Variants in DMC1 observed in about 807,000 individuals in gnomAD.
The protein encoded by DMC1 is DNA meiotic recombinase 1, also known as meiotic recombination protein DMC1 homolog.
Under a neutral mutation model 50.1 loss-of-function variants are expected in DMC1, and 27 were observed. The observed-to-expected ratio is 0.54, with a 90% CI of 0.40 to 0.74. The LOEUF (loss-of-function observed/expected upper bound fraction) is 0.74. DMC1 is among the 30% of genes least tolerant of loss of function. The pLI is 0.00. For synonymous variants in DMC1, 148 were observed against 136.1 expected, an observed-to-expected ratio of 1.09 and a Z score of -0.61; for missense variants, 295 against 420.2, an observed-to-expected ratio of 0.70 and a Z score of 2.60.
At chr22:38,545,422 A>T (rs988007119) in intron 8 of DMC1, among the ~76,000 whole-genome samples, 5 of 152,012 alleles carry the variant, frequency 3.3e-5, no homozygotes, top group Non-Finnish European at 5.9e-5. Flanking sequence ...AAAACAAAAC[A>T]AAACAATTTT....
intron 4 of DMC1, among the ~76,000 whole-genome samples, chr22:38,563,691 C>A (rs1440441053): frequency 2.6e-5 from 4 of 151,812 alleles, no homozygotes; most frequent in East Asian, 1.9e-4. Context: ...ACCCCTCCCC[C>A]ATCTCCACAA....
Position 38,519,967 on chromosome 22 carries a change from C to A in DMC1, c.*53G>T, listed in dbSNP as rs538170389. The A allele has an allele frequency of 3.2e-5, 47 of 1,462,382 alleles. No individual in the cohort carries two copies. Among genetic ancestry groups the A allele is most frequent in the Non-Finnish European group, 4.2e-5 (44 of 1,042,940 alleles). 90.6% of individuals were successfully genotyped at this position (1,462,382 alleles called of 1,614,324 possible). ...GATGTGAAATTGGAGACTGCTTTTCCATTTCTTCAGCTCCTAATAAGCACT... is the reference window on the plus strand; with the variant it reads ...GATGTGAAATTGGAGACTGCTTTTCAATTTCTTCAGCTCCTAATAAGCACT... On this transcript the variant is annotated 3_prime_UTR_variant, in exon 14 of 14. Transcript: ENST00000216024.
intron 3 of DMC1, 150 bp from the exon 4 acceptor site, chr22:38,566,886 A>C (rs936730347): frequency 1.3e-6 from 1 of 756,740 alleles, no homozygotes; most frequent in Non-Finnish European, 2.3e-6. Flanking sequence ...CATGTAGCCA[A>C]ATGTTCTGGA....
intron 8 of DMC1, among the ~76,000 whole-genome samples, chr22:38,541,836 C>CA (rs1458037731): frequency 4.6e-5 from 7 of 151,726 alleles, no homozygotes; most frequent in Non-Finnish European, 1.0e-4. Context: ...ACTAGCAAAC[C>CA]AAATTCAACA....
intron 7 of DMC1, 125 bp from the exon 8 acceptor site, chr22:38,550,122 T>G (rs2090387333): frequency 1.0e-5 from 7 of 690,116 alleles, no homozygotes; most frequent in Non-Finnish European, 1.8e-5. Context: ...CATGATCCTT[T>G]CGTTTCTAAA....
At chr22:38,556,434 T>C (rs2090469771) in intron 5 of DMC1, among the ~76,000 whole-genome samples, 1 of 152,170 alleles carries the variant, frequency 6.6e-6, no homozygotes, top group South Asian at 2.1e-4. Flanking sequence ...AAAACAGGTA[T>C]TAGGAAAATC....
At chr22:38,564,056 C>T (rs752319309) in intron 4 of DMC1, among the ~76,000 whole-genome samples, 15 of 152,110 alleles carry the variant, frequency 9.9e-5, no homozygotes, top group Non-Finnish European at 2.1e-4. Flanking sequence ...GTAGTCCTAG[C>T]TACTGAGGAG....
chr22:38,561,538 T>C (rs997701794), intron 5 of DMC1, among the ~76,000 whole-genome samples: 1 of 152,130 alleles, frequency 6.6e-6, no homozygotes, highest in Non-Finnish European at 1.5e-5. Context: ...AGGAAAGAGA[T>C]AGATCTAAGA....
intron 12 of DMC1, 36 bp from the exon 13 acceptor site, chr22:38,521,760 A>G (rs1238201751): frequency 1.4e-6 from 2 of 1,409,066 alleles, no homozygotes; most frequent in Non-Finnish European, 2.0e-6. Context: ...GTTTCATCAT[A>G]TGGACTATAT....
intron 8 of DMC1, chr22:38,549,654 G>T: frequency 2.9e-6 from 1 of 339,470 alleles, no homozygotes. Flanking sequence ...TAACTATTAA[G>T]CAACATCTTT....
At chr22:38,563,543 A>C (rs1380395459) in intron 4 of DMC1, among the ~76,000 whole-genome samples, 1 of 151,552 alleles carries the variant, frequency 6.6e-6, no homozygotes, top group Non-Finnish European at 1.5e-5. Context: ...TCTCTCTCTC[A>C]ATCACTTTCT....
intron 13 of DMC1, 77 bp from the exon 14 acceptor site, chr22:38,520,166 T>C: frequency 8.1e-7 from 1 of 1,231,128 alleles, no homozygotes; most frequent in Non-Finnish European, 1.2e-6. Flanking sequence ...ACAGGCATTA[T>C]GTGCCCATCA....
downstream of DMC1, among the ~76,000 whole-genome samples, chr22:38,517,238 TA>T (rs2089982263): frequency 6.6e-6 from 1 of 152,310 alleles, no homozygotes; most frequent in Admixed American, 6.5e-5. Flanking sequence ...CTATCCCTGA[TA>T]GGGGCAGTCT....
At chr22:38,511,049 G>A in the DMC1 span, among the ~76,000 whole-genome samples, 2 of 148,568 alleles carry the variant, frequency 1.3e-5, no homozygotes, top group African/African-American at 5.0e-5. Flanking sequence ...CGGGAGGGTC[G>A]CTTGAGCCCA....
chr22:38,512,853 G>T, the DMC1 span, among the ~76,000 whole-genome samples: 1 of 152,100 alleles, frequency 6.6e-6, no homozygotes, highest in Non-Finnish European at 1.5e-5. Context: ...GGAGGCCAAG[G>T]CGGGTGGATC....
intron 1 of DMC1, chr22:38,568,537 T>C (rs2146045080): frequency 2.0e-6 from 1 of 498,814 alleles, no homozygotes; most frequent in East Asian, 3.5e-5. Context: ...GGTGCTTATT[T>C]AGTTTCTTCT....
At chr22:38,563,248 A>C (rs1407184237) in intron 4 of DMC1, among the ~76,000 whole-genome samples, 1 of 152,208 alleles carries the variant, frequency 6.6e-6, no homozygotes, top group Non-Finnish European at 1.5e-5. Context: ...TTGACTGATT[A>C]AAAAGGTACA....
intron 11 of DMC1, among the ~76,000 whole-genome samples, chr22:38,538,085 A>T (rs955749266): frequency 2.8e-4 from 43 of 152,254 alleles, no homozygotes; most frequent in African/African-American, 1.0e-3. Flanking sequence ...CGGAGGTTGC[A>T]GTGAGCCGAG....
At chr22:38,557,953 G>GTTTTTTTTTTTTTTTTTTTTTTTT (rs1555940699) in intron 5 of DMC1, among the ~76,000 whole-genome samples, 1 of 94,974 alleles carries the variant, frequency 1.1e-5, no homozygotes, top group Admixed American at 1.0e-4. Context: ...ATTAGACAAA[G>GTTTTTTTTTTTTTTTTTTTTTTTT]TTCTTTTTTT....
Sources: allele counts gnomAD v4.1 joint callset (sites outside exome capture counted in the v4.1 genomes callset), GRCh38; gene constraint gnomAD v4.1.1; transcripts MANE v1.5; gene names NCBI Gene and HGNC (gene_info 2026-07-23, HGNC 2026-07-21).